The following GRHL3 variants were observed in gnomAD, a reference collection of about 807,000 sequenced individuals.
The protein encoded by GRHL3 is grainyhead like transcription factor 3, also known as grainyhead-like protein 3 homolog.
GRHL3 carries 20 observed loss-of-function variants against 70.3 expected under a neutral mutation model. The observed-to-expected ratio is 0.28, with a 90% CI of 0.20 to 0.41. The LOEUF is 0.41. GRHL3 is among the 10% of genes least tolerant of loss of function. GRHL3 has a pLI of 1.00. For missense variants in GRHL3, 637 were observed against 762.3 expected (o/e 0.84, Z 1.94); for synonymous variants, 299 against 299.9 (o/e 1.00, Z 0.03).
intron 14 of GRHL3, 44 bp from the exon 15 acceptor site, chr1:24,350,014 T>C: frequency 1.4e-6 from 2 of 1,466,310 alleles, no homozygotes; most frequent in Non-Finnish European, 1.9e-6. Context: ...TGTATAAATC[T>C]AGCGTGGGCA....
chr1:24,336,857 A>G, intron 4 of GRHL3, 30 bp downstream of exon 4: 1 of 1,504,780 alleles, frequency 6.6e-7, no homozygotes, highest in Non-Finnish European at 9.1e-7. Context: ...CCCCTATAGC[A>G]TAGATATGTG....
intron 14 of GRHL3, among the ~76,000 whole-genome samples, chr1:24,348,883 G>A (rs1405394241): frequency 6.6e-6 from 1 of 152,218 alleles, no homozygotes; most frequent in Non-Finnish European, 1.5e-5. Context: ...TGCCCAGAGA[G>A]GATGACCTCC....
rs139441205 is a variant in GRHL3, at chr1:24,340,196, A to C, written c.1047+434A>C. ...CTTTTGCATGGTCACACAGCAAGCC[A>C]CTGGGGGCACCCACGTTTCCTGACT... On this transcript the variant is annotated intron_variant, in intron 8 of 15. Transcript: ENST00000361548. Among the ~76,000 whole-genome samples, 118 of 152,308 alleles carry C rather than the reference A, an allele frequency of 7.7e-4. 1 individual carries two copies. In the East Asian group the frequency reaches 0.02, roughly 26 times the overall value.
At position 24,322,623 on chromosome 1, in the gene GRHL3, C is replaced by T. The variant is rs2148644248; in HGVS notation, c.17+3055C>T. The stretch of plus-strand genomic sequence containing the variant: ...CGGCGCGGGGGTCCTGCGGCTCCGC[C>T]AGCTGCTGGGAGCGGGCAGGCTGCG... On this transcript the variant is annotated intron_variant, in intron 1 of 15. Transcript: ENST00000361548. The surrounding 1 kb of genome is among the most constrained non-coding windows in gnomAD (Gnocchi z 4.4). Among the ~76,000 whole-genome samples the T allele has an allele frequency of 6.6e-6, 1 of 152,326 alleles. No homozygotes were observed. The highest frequency in any genetic ancestry group is 1.9e-4 in the East Asian group (1 of 5,184).
At chr1:24,357,924 A>G, downstream of GRHL3, 1 of 325,642 alleles carries the variant, frequency 3.1e-6, no homozygotes, top group South Asian at 2.6e-5. Context: ...CTCCCACTCC[A>G]AAGAGAAAAA....
At chr1:24,362,005 C>T (rs1323310534) in intron 15 of GRHL3, among the ~76,000 whole-genome samples, 1 of 152,228 alleles carries the variant, frequency 6.6e-6, no homozygotes, top group Non-Finnish European at 1.5e-5. Flanking sequence ...GGGCCGCCTC[C>T]TTCTGGCTCA....
chr1:24,343,981 G>A (rs947308005), intron 11 of GRHL3, among the ~76,000 whole-genome samples: 30 of 152,182 alleles, frequency 2.0e-4, no homozygotes, highest in African/African-American at 6.8e-4. Context: ...CTGTGGCCCC[G>A]CAGCACAGGC....
At chr1:24,337,951 AG>A in intron 6 of GRHL3, 40 bp from the exon 7 acceptor site, 1 of 1,553,380 alleles carries the variant, frequency 6.4e-7, no homozygotes, top group Admixed American at 1.8e-5. Flanking sequence ...ACCAGGCTCT[AG>A]GAAGAGGCCG....
downstream of GRHL3, chr1:24,358,567 G>A (rs1640876843): frequency 1.9e-6 from 3 of 1,613,930 alleles, no homozygotes; most frequent in Admixed American, 1.7e-5. Context: ...TCCATTTCTT[G>A]TCCTCGTTGT....
In GRHL3 at chr1:24,355,163, G is replaced by A. The variant is rs961221465; in HGVS notation, c.*675G>A. The A allele has an allele frequency of 1.3e-5, 2 of 152,166 alleles. No homozygotes were observed. The highest frequency in any genetic ancestry group is 2.9e-5 in the Non-Finnish European group (2 of 67,980). The allele number at this position is 152,166 out of a possible 1,614,324, so 9.4% of individuals were successfully genotyped here. A position where few individuals can be genotyped will look rare whatever the true frequency, so the allele number is the denominator to read the frequency against. The stretch of plus-strand genomic sequence containing the variant: ...ATATATAAATATACTGTATATATAT[G>A]CAACATTTTATATTTTTCATGGATA... On this transcript the variant is annotated 3_prime_UTR_variant, in exon 16 of 16. Transcript: ENST00000361548.
chr1:24,350,255 C>T, intron 15 of GRHL3, 133 bp downstream of exon 15: 1 of 644,832 alleles, frequency 1.6e-6, no homozygotes, highest in Non-Finnish European at 2.7e-6. Flanking sequence ...AGCCACTGGT[C>T]ACCTCTCCAT....
chr1:24,333,356 T>G (rs181910187), intron 2 of GRHL3, among the ~76,000 whole-genome samples: 1 of 152,218 alleles, frequency 6.6e-6, no homozygotes, highest in Non-Finnish European at 1.5e-5. Flanking sequence ...CCATTTCTTA[T>G]TGAATGTCCA....
At chr1:24,349,909 A>G in intron 14 of GRHL3, 149 bp from the exon 15 acceptor site, 3 of 617,432 alleles carry the variant, frequency 4.9e-6, no homozygotes, top group Non-Finnish European at 8.8e-6. Flanking sequence ...ACAGGATTAT[A>G]GATGATTGTA....
chr1:24,358,416 G>A (rs749565907), downstream of GRHL3: 6 of 817,118 alleles, frequency 7.3e-6, no homozygotes, highest in African/African-American at 1.7e-5. Context: ...CCAGGCCAGA[G>A]TGGTAGAGCC....
In GRHL3 at chr1:24,354,496, C is replaced by T. The variant is rs540289112; in HGVS notation, c.*8C>T. ...ATCCTTAAGGAGCTGTAAGGCCTCT[C>T]GAGCATCCAAACCCTCACGACCTGC... On this transcript the variant is annotated 3_prime_UTR_variant, in exon 16 of 16. Transcript: ENST00000361548. 7.0e-6 allele frequency: 11 copies of T among 1,581,832 alleles called. No individual in the cohort carries two copies. Among genetic ancestry groups the T allele is most frequent in the South Asian group, 3.3e-5 (3 of 90,426 alleles).
intron 1 of GRHL3, among the ~76,000 whole-genome samples, chr1:24,328,805 C>T (rs185910307): frequency 5.2e-4 from 79 of 152,274 alleles, no homozygotes; most frequent in East Asian, 4.8e-3. Context: ...TGTGCTGATG[C>T]GTTATCCTCA....
Position 24,334,844 on chromosome 1 carries a change from A to T in GRHL3, c.266+138A>T. ...CACAACACATTTTGGGATTCATGAT[A>T]ATGTTTTCATTTATTTTAAAATTAA... On this transcript the variant is annotated intron_variant, in intron 3 of 15. Coordinates refer to ENST00000361548, the MANE Select transcript of GRHL3 (RefSeq NM_198173.3). This position sits in a 1 kb window ranked among gnomAD's most constrained non-coding sequence, Gnocchi z 4.3. 2.0e-6 allele frequency: 1 copy of T among 499,774 alleles called. No homozygotes were observed. The highest frequency in any genetic ancestry group is 3.5e-6 in the Non-Finnish European group (1 of 285,600). 31.0% of individuals were successfully genotyped at this position (499,774 alleles called of 1,614,324 possible).
Position 24,362,442 on chromosome 1 carries a change from T to TA in GRHL3, c.1695-1742dup, listed in dbSNP as rs567089832. Among the ~76,000 whole-genome samples the TA allele has an allele frequency of 2.6e-4, 40 of 152,324 alleles. No individual in the cohort carries two copies. In the East Asian group the frequency reaches 6.0e-3, roughly 23 times the overall value. On this transcript the variant is annotated intron_variant, in intron 15 of 15. Coordinates refer to the GRHL3 transcript ENST00000350501. ...GAGGCTGAATTCTAGTCATGCCACT[T>TA]ACTGGCTGTAAGACAAGGCCCCTGA...
chr1:24,335,899 A>T (rs1337617993), intron 3 of GRHL3, among the ~76,000 whole-genome samples: 1 of 152,186 alleles, frequency 6.6e-6, no homozygotes, highest in African/African-American at 2.4e-5. Context: ...ACTAATTTTT[A>T]AAAATATCAT....
Sources: gnomAD v4.1 joint callset for allele counts (sites outside exome capture counted in the v4.1 genomes callset) on GRCh38, gnomAD v4.1.1 for gene constraint, Gnocchi (gnomAD v3.1) non-coding constraint, MANE v1.5 for transcripts, NCBI Gene and HGNC (gene_info 2026-07-23, HGNC 2026-07-21) for gene names.